The following CBFB variants were observed in gnomAD, a reference collection of about 807,000 sequenced individuals.
CBFB encodes the protein core-binding factor subunit beta.
In CBFB, 9 loss-of-function variants were observed where a neutral mutation model predicts 30.4. The ratio of observed to expected loss-of-function variants is 0.30; its 90% confidence interval spans 0.18 to 0.52. The LOEUF (loss-of-function observed/expected upper bound fraction) is 0.52, where lower values mean the gene tolerates loss of function less well. CBFB is among the 20% of genes least tolerant of loss of function. CBFB has a pLI of 0.97. For missense variants in CBFB, 170 were observed against 244.0 expected, an observed-to-expected ratio of 0.70 and a Z score of 2.02; for synonymous variants, 94 against 84.0, an observed-to-expected ratio of 1.12 and a Z score of -0.65.
At chr16:67,089,216 T>C (rs1384031773) in intron 5 of CBFB, among the ~76,000 whole-genome samples, 2 of 152,178 alleles carry the variant, frequency 1.3e-5, no homozygotes, top group African/African-American at 4.8e-5. Flanking sequence ...GTCATTGATA[T>C]ACATTAAAAT....
Position 67,094,999 on chromosome 16 carries a change from C to T in CBFB, c.496-3711C>T, listed in dbSNP as rs375981440. On this transcript the variant is annotated intron_variant, in intron 5 of 5. Transcript: ENST00000412916. ...TTGAGAGGCTGAGGCAAGAGGATCA[C>T]CTGAGGTCAGGAGTTCAAGATCCGG... Among the ~76,000 whole-genome samples the T allele has an allele frequency of 1.3e-4, 19 of 151,738 alleles. 1 individual carries two copies. The highest frequency in any genetic ancestry group is 1.2e-3 in the East Asian group (6 of 5,170).
Position 67,066,789 on chromosome 16 carries a change from G to C in CBFB, c.390G>C (p.Glu130Asp). The change falls in exon 4 of 6, where the codon GAG becomes GAC. Residue 130 changes from glutamate (E) to aspartate (D), a missense_variant. Transcript: ENST00000412916. ...DGMGCLEFDE[E>D]RAQQEDALAQ... Reference sequence around the variant, plus strand: ...TGGGCTGTCTGGAGTTTGATGAGGAGCGAGCCCAGGTAGGGTAACATCAGG... The same window carrying C: ...TGGGCTGTCTGGAGTTTGATGAGGACCGAGCCCAGGTAGGGTAACATCAGG... 1 of 1,590,734 alleles carries C rather than the reference G, an allele frequency of 6.3e-7. No individual in the cohort carries two copies. Among genetic ancestry groups the C allele is most frequent in the East Asian group, 2.2e-5 (1 of 44,690 alleles).
At position 67,029,455 on chromosome 16, in the gene CBFB, G is replaced by A. The variant is rs1235531268; in HGVS notation, c.48G>A (p.Glu16=). The A allele has an allele frequency of 1.2e-5, 19 of 1,591,978 alleles. No individual in the cohort carries two copies. Among genetic ancestry groups the A allele is most frequent in the Admixed American group, 1.7e-5 (1 of 57,922 alleles). ...PDQRSKFENE[E]FFRKLSRECE... ...AGAGAAGCAAGTTCGAGAACGAGGA[G>A]TTTTTTAGGAAGCTGAGCCGCGAGT... Residue 16 remains glutamate, a synonymous_variant, in exon 1 of 6, where the codon GAG becomes GAA. Coordinates refer to ENST00000412916, the MANE Select transcript of CBFB (RefSeq NM_022845.3).
intron 3 of CBFB, among the ~76,000 whole-genome samples, chr16:67,047,173 A>G (rs1173136213): frequency 2.6e-5 from 4 of 152,038 alleles, no homozygotes; most frequent in Admixed American, 6.6e-5. Context: ...TTAGCCAGGC[A>G]TAAGCTGAGA....
intron 2 of CBFB, among the ~76,000 whole-genome samples, chr16:67,035,714 G>A (rs1966431394): frequency 1.3e-5 from 2 of 152,184 alleles, no homozygotes; most frequent in Non-Finnish European, 2.9e-5. Context: ...TTATGCTTCA[G>A]AACTTAATTA....
At chr16:67,029,649 C>G in intron 1 of CBFB, 78 bp from the exon 2 acceptor site, 1 of 1,399,296 alleles carries the variant, frequency 7.1e-7, no homozygotes, top group Non-Finnish European at 9.9e-7. Context: ...TTGCCCTTAT[C>G]GGCGCTGCGC....
rs1024221619 is a variant in CBFB, at chr16:67,100,828, C to G, written c.*2050C>G. On this transcript the variant is annotated 3_prime_UTR_variant, in exon 6 of 6. Coordinates refer to ENST00000412916, the MANE Select transcript of CBFB (RefSeq NM_022845.3). ...AATGCTGGCATTAAGATCATGAGCCCTTTTTCTCCAGTAGTACAGGCTTTG... is the reference window on the plus strand; with the variant it reads ...AATGCTGGCATTAAGATCATGAGCCGTTTTTCTCCAGTAGTACAGGCTTTG... The G allele has an allele frequency of 4.7e-6, 1 of 211,070 alleles. No individual in the cohort carries two copies. The highest frequency in any genetic ancestry group is 9.6e-6 in the Non-Finnish European group (1 of 103,868). The allele number at this position is 211,070 out of a possible 1,614,324, so 13.1% of individuals were successfully genotyped here. A position where few individuals can be genotyped will look rare whatever the true frequency, so the allele number is the denominator to read the frequency against.
At chr16:67,063,367 C>T (rs1224073211) in intron 3 of CBFB, among the ~76,000 whole-genome samples, 5 of 152,104 alleles carry the variant, frequency 3.3e-5, no homozygotes, top group Non-Finnish European at 1.5e-5. Flanking sequence ...TTTATTGCAG[C>T]CCTTAGCAGA....
At chr16:67,036,354 T>C (rs1391637169) in intron 2 of CBFB, 1 of 315,832 alleles carries the variant, frequency 3.2e-6, no homozygotes, top group African/African-American at 2.1e-5. Flanking sequence ...TGGTTAGACA[T>C]TAGCAGTGTG....
At chr16:67,069,882 G>A (rs1401453602) in intron 4 of CBFB, among the ~76,000 whole-genome samples, 1 of 152,092 alleles carries the variant, frequency 6.6e-6, no homozygotes, top group Non-Finnish European at 1.5e-5. Flanking sequence ...CCAGCACTTT[G>A]GGAGACCGAA....
At chr16:67,059,637 A>G (rs1960833933) in intron 3 of CBFB, among the ~76,000 whole-genome samples, 1 of 152,194 alleles carries the variant, frequency 6.6e-6, no homozygotes, top group South Asian at 2.1e-4. Context: ...AACAACCTTT[A>G]GCCTGCGTTC....
chr16:67,094,429 A>T (rs1282545764), intron 5 of CBFB, among the ~76,000 whole-genome samples: 1 of 152,096 alleles, frequency 6.6e-6, no homozygotes, highest in African/African-American at 2.4e-5. Flanking sequence ...AAACAAATCC[A>T]TGGCTATTTC....
At chr16:67,068,216 T>G (rs890935401) in intron 4 of CBFB, among the ~76,000 whole-genome samples, 1 of 152,162 alleles carries the variant, frequency 6.6e-6, no homozygotes, top group Non-Finnish European at 1.5e-5. Flanking sequence ...CAGTGGCTCA[T>G]GCTTATAATC....
intron 3 of CBFB, among the ~76,000 whole-genome samples, chr16:67,059,095 A>G (rs1274377211): frequency 6.6e-6 from 1 of 152,196 alleles, no homozygotes; most frequent in African/African-American, 2.4e-5. Context: ...TCGGCTACCT[A>G]GAAACTATGA....
intron 3 of CBFB, among the ~76,000 whole-genome samples, chr16:67,042,963 T>G (rs988541810): frequency 9.2e-5 from 14 of 152,184 alleles, no homozygotes; most frequent in Non-Finnish European, 1.6e-4. Flanking sequence ...CTCAAACTCC[T>G]AACATCAGGT....
chr16:67,090,403 C>T (rs1015502281), intron 5 of CBFB, among the ~76,000 whole-genome samples: 8 of 152,182 alleles, frequency 5.3e-5, no homozygotes, highest in African/African-American at 1.7e-4. Context: ...TCTGAGAATC[C>T]TTCCTTGATC....
At chr16:67,089,767 C>T (rs138915000) in intron 5 of CBFB, among the ~76,000 whole-genome samples, 2 of 152,210 alleles carry the variant, frequency 1.3e-5, no homozygotes, top group East Asian at 1.9e-4. Context: ...TTTTGCATCC[C>T]GGCTCCACTA....
chr16:67,051,667 C>T (rs1013504850), intron 3 of CBFB, among the ~76,000 whole-genome samples: 2 of 151,528 alleles, frequency 1.3e-5, no homozygotes, highest in Admixed American at 6.6e-5. Flanking sequence ...TCTAAATGAC[C>T]AACATATATA....
chr16:67,073,037 A>G (rs1367596211), intron 4 of CBFB, among the ~76,000 whole-genome samples: 4 of 152,174 alleles, frequency 2.6e-5, no homozygotes, highest in Non-Finnish European at 5.9e-5. Flanking sequence ...TCTTCATAAA[A>G]GTGCCCACAA....
Sources: allele counts gnomAD v4.1 joint callset (sites outside exome capture counted in the v4.1 genomes callset), GRCh38; gene constraint gnomAD v4.1.1; transcripts MANE v1.5; gene names NCBI Gene and HGNC (gene_info 2026-07-23, HGNC 2026-07-21).